Variants in RARS1 observed in about 807,000 individuals in gnomAD.
RARS1 encodes arginine--tRNA ligase, cytoplasmic.
In RARS1, 75 loss-of-function variants were observed where a neutral mutation model predicts 78.7. The ratio of observed to expected loss-of-function variants is 0.95; its 90% CI spans 0.79 to 1.15. The LOEUF is 1.15. Ranked by LOEUF, RARS1 falls within the 50% of genes most tolerant of loss-of-function variation. The pLI is 0.00. For synonymous variants in RARS1, 273 were observed against 268.2 expected, an observed-to-expected ratio of 1.02 and a Z score of -0.18; for missense variants, 787 against 787.5, an observed-to-expected ratio of 1.00 and a Z score of 0.01.
chr5:168,518,623 T>G (rs1428232802), intron 14 of RARS1, among the ~76,000 whole-genome samples: 1 of 152,190 alleles, frequency 6.6e-6, no homozygotes, highest in Non-Finnish European at 1.5e-5. Flanking sequence ...TTGTTATCTT[T>G]TCTTACCTTA....
Position 168,516,837 on chromosome 5 carries a change from A to G in RARS1, c.1512A>G (p.Lys504=). The part of the protein sequence containing the change: ...AQTSVAYGCI[K]YADLSHNRLN... ...CATCCGTTGCGTATGGCTGCATCAA[A>G]TATGCTGACCTTTCCCATAACCGGT... is the stretch of plus-strand genomic sequence containing the variant. The change falls in exon 13 of 15, where the codon AAA becomes AAG. Residue 504 remains lysine, a synonymous_variant. Transcript: ENST00000231572. 1 of 1,614,162 alleles carries G rather than the reference A, an allele frequency of 6.2e-7. No homozygotes were observed. The highest frequency in any genetic ancestry group is 1.1e-5 in the South Asian group (1 of 91,080).
Position 168,510,625 on chromosome 5 carries a change from A to T in RARS1, c.1391A>T (p.Asp464Val). The T allele has an allele frequency of 6.2e-7, 1 of 1,611,104 alleles. No homozygotes were observed. Among genetic ancestry groups the T allele is most frequent in the South Asian group, 1.1e-5 (1 of 90,078 alleles). ...TCGGGTGAAACAGTGCGCCTCATGG[A>T]TCTTCTGGGAGAAGGACTAAAACGA... ...TRSGETVRLM[D>V]LLGEGLKRSM... Residue 464 changes from aspartate (D) to valine (V), a missense_variant, in exon 12 of 15, where the codon GAT (aspartate) becomes GTT (valine). Physicochemically the swap from Asp to Val is radical, Grantham distance 152. Coordinates refer to ENST00000231572, the MANE Select transcript of RARS1 (RefSeq NM_002887.4).
intron 7 of RARS1, among the ~76,000 whole-genome samples, chr5:168,500,141 C>G (rs1758283635): frequency 8.1e-6 from 1 of 123,888 alleles, no homozygotes; most frequent in African/African-American, 2.9e-5. Flanking sequence ...GAGCCGAAAT[C>G]ATGCCACTCC....
intron 9 of RARS1, among the ~76,000 whole-genome samples, chr5:168,502,389 T>A (rs946095322): frequency 1.2e-4 from 17 of 145,776 alleles, no homozygotes; most frequent in Admixed American, 7.6e-4. Flanking sequence ...TATATATTTT[T>A]TTTTTTTAAA....
At chr5:168,518,087 T>TTTTTTTTTTTTTTTTC in intron 14 of RARS1, 25 bp downstream of exon 14, 1 of 1,433,728 alleles carries the variant, frequency 7.0e-7, no homozygotes, top group Non-Finnish European at 9.1e-7. Context: ...TTTTTTTTTT[T>TTTTTTTTTTTTTTTTC]TTTTTTTTAG....
At chr5:168,488,106 A>T (rs1256642868) in intron 1 of RARS1, 1 of 334,684 alleles carries the variant, frequency 3.0e-6, no homozygotes, top group East Asian at 1.0e-4. Context: ...AAACACATGT[A>T]TGTGTGGTTA....
rs769994767 is a variant in RARS1, at chr5:168,517,961, A to G, written c.1772A>G (p.Asp591Gly). The change falls in exon 14 of 15, where the codon GAC becomes GGC. Residue 591 changes from aspartate to glycine, a missense_variant. Physicochemically the swap from Asp to Gly is moderately conservative, Grantham distance 94 (BLOSUM62 -1). Coordinates refer to ENST00000231572, the MANE Select transcript of RARS1 (RefSeq NM_002887.4). ...FPEILQKILD[D>G]LFLHTLCDYI... Reference sequence around the variant, plus strand: ...GAGATTCTGCAAAAGATTTTAGATGACTTATTTCTCCACACTCTCTGTGAT... The same window carrying G: ...GAGATTCTGCAAAAGATTTTAGATGGCTTATTTCTCCACACTCTCTGTGAT... The G allele has an allele frequency of 1.2e-5, 19 of 1,612,864 alleles. No individual in the cohort carries two copies. The highest frequency in any genetic ancestry group is 1.6e-5 in the Non-Finnish European group (19 of 1,179,730).
At position 168,518,093 on chromosome 5, in the gene RARS1, T is replaced by C; in HGVS notation, c.1873+31T>C. Reference sequence around the variant, plus strand: ...TGTCTTTTTTTTTTTTTTTTTTTTTTTTAGTGAGAGACACGGATCTTGCTC... The same window carrying C: ...TGTCTTTTTTTTTTTTTTTTTTTTTCTTAGTGAGAGACACGGATCTTGCTC... On this transcript the variant is annotated intron_variant, in intron 14 of 14. Coordinates refer to ENST00000231572, the MANE Select transcript of RARS1 (RefSeq NM_002887.4). 1.4e-6 allele frequency: 2 copies of C among 1,416,402 alleles called. 1 individual carries two copies. Among genetic ancestry groups the C allele is most frequent in the Non-Finnish European group, 1.8e-6 (2 of 1,086,496 alleles). 87.7% of individuals were successfully genotyped at this position (1,416,402 alleles called of 1,614,324 possible). A position where few individuals can be genotyped will look rare whatever the true frequency, so the allele number is the denominator to read the frequency against.
chr5:168,492,282 TTTTG>T (rs1561819376), intron 2 of RARS1, among the ~76,000 whole-genome samples: 1 of 152,224 alleles, frequency 6.6e-6, no homozygotes, highest in African/African-American at 2.4e-5. Context: ...TCATGTATTT[TTTTG>T]TTTGTTTTTT....
At position 168,494,010 on chromosome 5, in the gene RARS1, A is replaced by T. The variant is rs2152903820; in HGVS notation, c.478+8A>T. 6.3e-7 allele frequency: 1 copy of T among 1,577,634 alleles called. No homozygotes were observed. Among genetic ancestry groups the T allele is most frequent in the East Asian group, 2.2e-5 (1 of 44,686 alleles). On this transcript the variant is annotated splice_region_variant and intron_variant, in intron 4 of 14. Coordinates refer to ENST00000231572, the MANE Select transcript of RARS1 (RefSeq NM_002887.4). Reference sequence around the variant, plus strand: ...TTGAAATTGCTGGTCCTGGTATGACATAATGTTATCCTTCTTAATAGTTGT... The same window carrying T: ...TTGAAATTGCTGGTCCTGGTATGACTTAATGTTATCCTTCTTAATAGTTGT...
Position 168,506,200 on chromosome 5 carries a change from G to T in RARS1, c.1236+1G>T. 1 of 1,552,538 alleles carries T rather than the reference G, an allele frequency of 6.4e-7. No individual in the cohort carries two copies. The highest frequency in any genetic ancestry group is 8.7e-7 in the Non-Finnish European group (1 of 1,144,926). On this transcript the variant is annotated splice_donor_variant, in intron 10 of 14. Transcript: ENST00000231572. LOFTEE classifies it high-confidence loss of function. ...TATCTATGTTGTGGACAATGGACAA[G>T]TGAGTTTGTAAATTTGTATGTGTTT...
chr5:168,510,763 G>GA, intron 12 of RARS1, 77 bp downstream of exon 12: 3 of 1,072,788 alleles, frequency 2.8e-6, no homozygotes, highest in Non-Finnish European at 4.0e-6. Context: ...AGAGAACTGA[G>GA]GAGAAGTGTG....
chr5:168,500,712 C>A lies in RARS1; in HGVS notation c.944C>A (p.Ser315Tyr). ...GCTTGGAAGCTTATCTGTGATGTCT[C>A]CCGCCAAGGTGAGTTTCTGGGCTTT... Reference protein sequence around the residue: ...TKAWKLICDVSRQELNKIYDA... With the variant: ...TKAWKLICDVYRQELNKIYDA... The change falls in exon 8 of 15, where the codon TCC (serine) becomes TAC (tyrosine). Residue 315 changes from serine to tyrosine, a missense_variant. By Grantham distance (144) the Ser-to-Tyr change is moderately radical. Transcript: ENST00000231572. The A allele has an allele frequency of 6.2e-7, 1 of 1,610,624 alleles. No homozygotes were observed. Among genetic ancestry groups the A allele is most frequent in the Non-Finnish European group, 8.5e-7 (1 of 1,179,038 alleles).
At chr5:168,496,748 T>C (rs1758199167) in intron 6 of RARS1, among the ~76,000 whole-genome samples, 1 of 152,174 alleles carries the variant, frequency 6.6e-6, no homozygotes, top group Non-Finnish European at 1.5e-5. Flanking sequence ...CCTCCCATAG[T>C]GCTGGGATTA....
At chr5:168,497,388 A>G in intron 7 of RARS1, 40 bp downstream of exon 7, 1 of 1,396,870 alleles carries the variant, frequency 7.2e-7, no homozygotes, top group Non-Finnish European at 9.5e-7. Flanking sequence ...TGTGTTTACC[A>G]TTAATCATAA....
intron 8 of RARS1, among the ~76,000 whole-genome samples, 175 bp downstream of exon 8, chr5:168,500,895 G>T (rs539622444): frequency 6.6e-6 from 1 of 151,958 alleles, no homozygotes; most frequent in Non-Finnish European, 1.5e-5. Context: ...CCATAAGACA[G>T]GCAGGTTCAA....
intron 3 of RARS1, 78 bp downstream of exon 3, chr5:168,492,925 C>A: frequency 3.2e-6 from 4 of 1,268,234 alleles, no homozygotes; most frequent in Non-Finnish European, 3.3e-6. Context: ...AGAAATAATA[C>A]TATTACAAGT....
intron 12 of RARS1, among the ~76,000 whole-genome samples, chr5:168,513,753 T>C (rs1055882590): frequency 6.6e-6 from 1 of 152,250 alleles, no homozygotes; most frequent in Admixed American, 6.5e-5. Flanking sequence ...TTTATCTATA[T>C]ATTTTCGCCC....
At position 168,486,534 on chromosome 5, in the gene RARS1, G is replaced by A. The variant is rs1272430190; in HGVS notation, c.36G>A (p.Leu12=). Residue 12 remains leucine (L), a synonymous_variant, in exon 1 of 15, where the codon CTG becomes CTA. Transcript: ENST00000231572. ...DVLVSECSAR[L]LQQEEEIKSL... is the part of the protein sequence containing the mutation. ...TGGTGTCTGAGTGCTCCGCGCGGCT[G>A]CTGCAGCAGGTTTGGACGCAGGAGA... 1 of 1,558,034 alleles carries A rather than the reference G, an allele frequency of 6.4e-7. No homozygotes were observed. Among genetic ancestry groups the A allele is most frequent in the South Asian group, 1.2e-5 (1 of 84,590 alleles).
Sources: allele counts gnomAD v4.1 joint callset (sites outside exome capture counted in the v4.1 genomes callset), GRCh38; gene constraint gnomAD v4.1.1; transcripts MANE v1.5; gene names NCBI Gene and HGNC (gene_info 2026-07-23, HGNC 2026-07-21).